PTPRT: variants seen among roughly 807,000 people sequenced by gnomAD.
PTPRT encodes the protein protein tyrosine phosphatase receptor type T.
Under a neutral mutation model 176.8 loss-of-function variants are expected in PTPRT, and 56 were observed. The ratio of observed to expected loss-of-function variants is 0.32; its 90% CI spans 0.26 to 0.40. The LOEUF (loss-of-function observed/expected upper bound fraction) is 0.40, where lower values mean the gene tolerates loss of function less well. Ranked by LOEUF, PTPRT falls within the 10% of genes least tolerant of loss-of-function variation. The pLI is 1.00. For synonymous variants in PTPRT, 783 were observed against 739.0 expected, an observed-to-expected ratio of 1.06 and a Z score of -0.96; for missense variants, 1,540 against 1,908.2, an observed-to-expected ratio of 0.81 and a Z score of 3.60.
At chr20:42,162,184 C>T (rs1256707764) in intron 16 of PTPRT, among the ~76,000 whole-genome samples, 3 of 152,162 alleles carry the variant, frequency 2.0e-5, no homozygotes, top group African/African-American at 7.2e-5. Flanking sequence ...TGTATAGTTT[C>T]CCCATCACTT....
At chr20:42,272,071 TG>T (rs1006696650) in intron 13 of PTPRT, among the ~76,000 whole-genome samples, 21 of 152,172 alleles carry the variant, frequency 1.4e-4, no homozygotes, top group African/African-American at 5.1e-4. Context: ...AGGCCAAATC[TG>T]GCCCCCCACT....
intron 14 of PTPRT, among the ~76,000 whole-genome samples, chr20:42,236,529 G>T (rs1014025908): frequency 1.3e-5 from 2 of 151,944 alleles, no homozygotes; most frequent in Non-Finnish European, 2.9e-5. Flanking sequence ...TTTCATGTTG[G>T]CTGTTGTAGT....
chr20:42,930,705 CG>C (rs1979788446), intron 1 of PTPRT, among the ~76,000 whole-genome samples: 1 of 151,988 alleles, frequency 6.6e-6, no homozygotes, highest in Admixed American at 6.6e-5. Flanking sequence ...GTCTTGAACT[CG>C]TAGCCTCATA....
At chr20:42,421,528 G>C (rs1264448791) in intron 9 of PTPRT, among the ~76,000 whole-genome samples, 1 of 152,102 alleles carries the variant, frequency 6.6e-6, no homozygotes, top group African/African-American at 2.4e-5. Context: ...GGTAGCACAT[G>C]AGGGTGATGG....
At chr20:42,455,314 T>G (rs2070902572) in intron 8 of PTPRT, among the ~76,000 whole-genome samples, 1 of 152,184 alleles carries the variant, frequency 6.6e-6, no homozygotes, top group Admixed American at 6.5e-5. Flanking sequence ...AATAGCACTG[T>G]TCTAGAACTC....
chr20:42,039,692 G>GTGTATATATATATA, the PTPRT span, among the ~76,000 whole-genome samples: 1 of 113,206 alleles, frequency 8.8e-6, no homozygotes, highest in Non-Finnish European at 2.0e-5. Context: ...ATTCTGTTGT[G>GTGTATATATATATA]TATATATATA....
At chr20:42,268,835 G>A (rs2056882200) in intron 13 of PTPRT, among the ~76,000 whole-genome samples, 1 of 152,168 alleles carries the variant, frequency 6.6e-6, no homozygotes, top group Non-Finnish European at 1.5e-5. Flanking sequence ...ATGCTGTTTA[G>A]GCTCAGCCCC....
At chr20:42,117,000 C>CT (rs1987317740) in intron 21 of PTPRT, among the ~76,000 whole-genome samples, 1 of 152,308 alleles carries the variant, frequency 6.6e-6, no homozygotes, top group African/African-American at 2.4e-5. Flanking sequence ...GGGGAACAGT[C>CT]TGAGTGGAGT....
At chr20:43,019,615 CT>C (rs1985554174) in intron 1 of PTPRT, among the ~76,000 whole-genome samples, 1 of 127,344 alleles carries the variant, frequency 7.9e-6, no homozygotes, top group Non-Finnish European at 1.6e-5. Context: ...GAGACACCGT[CT>C]CAAAAAAAAA....
Position 42,703,866 on chromosome 20 carries a change from T to C in PTPRT, c.860-25707A>G, listed in dbSNP as rs541521845. The stretch of plus-strand genomic sequence containing the variant: ...AGAAATAGAAAAGCAGCTCCTGTCA[T>C]CCGGGGTTTGGTCCTATCAGCTAAA... On this transcript the variant is annotated intron_variant, in intron 6 of 30. Coordinates refer to ENST00000373187, the MANE Select transcript of PTPRT (RefSeq NM_007050.6). Among the ~76,000 whole-genome samples the C allele has an allele frequency of 2.6e-5, 4 of 152,204 alleles. No individual in the cohort carries two copies. In the South Asian group the frequency reaches 8.3e-4, roughly 32 times the overall value.
rs11468862 is a variant in PTPRT at position 42,713,156 on chromosome 20, T to TACAC, written c.860-35001_860-34998dup. Among the ~76,000 whole-genome samples, 1,030 of 148,150 alleles carry TACAC rather than the reference T, an allele frequency of 7.0e-3. 17 individuals are homozygous for TACAC. The highest frequency in any genetic ancestry group is 0.039 in the East Asian group (196 of 5,044). On this transcript the variant is annotated intron_variant, in intron 6 of 30. Coordinates refer to ENST00000373187, the MANE Select transcript of PTPRT (RefSeq NM_007050.6). ...ACACATACACACGTACACGCACACA[T>TACAC]ACACACACACACACACACACACACA...
chr20:42,086,962 AC>A (rs1984032528), intron 27 of PTPRT, among the ~76,000 whole-genome samples: 1 of 151,122 alleles, frequency 6.6e-6, no homozygotes, highest in Non-Finnish European at 1.5e-5. Context: ...ATTAGAACCT[AC>A]AGCTGAGAGC....
Position 42,693,076 on chromosome 20 carries a change from A to C in PTPRT, c.860-14917T>G, listed in dbSNP as rs116688970. ...ATTCTGTTCTACTTCAATAACAAAC[A>C]AATTGAATAATTACTTACAAAAGCA... On this transcript the variant is annotated intron_variant, in intron 6 of 30. Coordinates refer to ENST00000373187, the MANE Select transcript of PTPRT (RefSeq NM_007050.6). Among the ~76,000 whole-genome samples, 755 of 152,350 alleles carry C rather than the reference A, an allele frequency of 5.0e-3. 8 individuals are homozygous for C. Among genetic ancestry groups the C allele is most frequent in the African/African-American group, 0.018 (735 of 41,594 alleles).
chr20:42,754,575 A>G (rs544983410), intron 6 of PTPRT, among the ~76,000 whole-genome samples: 1 of 152,292 alleles, frequency 6.6e-6, no homozygotes, highest in African/African-American at 2.4e-5. Flanking sequence ...GAGCCACCAT[A>G]CCGGGCCACA....
chr20:42,892,961 T>C lies in PTPRT; in HGVS notation c.89-7029A>G, dbSNP rs191267947. Among the ~76,000 whole-genome samples, 975 of 152,168 alleles carry C rather than the reference T, an allele frequency of 6.4e-3. 9 individuals are homozygous for C. Among genetic ancestry groups the C allele is most frequent in the Non-Finnish European group, 8.3e-3 (566 of 67,992 alleles). Reference sequence around the variant, plus strand: ...CAGAGAAAGCTCTCATCCACTGTCATTGGGCTTCTCCTGGGGGCCACGGTG... The same window carrying C: ...CAGAGAAAGCTCTCATCCACTGTCACTGGGCTTCTCCTGGGGGCCACGGTG... On this transcript the variant is annotated intron_variant, in intron 1 of 30. Coordinates refer to ENST00000373187, the MANE Select transcript of PTPRT (RefSeq NM_007050.6).
At position 42,510,205 on chromosome 20, in the gene PTPRT, C is replaced by T. The variant is rs375748469; in HGVS notation, c.1154-37643G>A. ...CATCATGTGCATAAGTTCAGGGCCC[C>T]GTTGTGTTTCCAATACCTAACCCCC... On this transcript the variant is annotated intron_variant, in intron 7 of 30. Coordinates refer to ENST00000373187, the MANE Select transcript of PTPRT (RefSeq NM_007050.6). Among the ~76,000 whole-genome samples the T allele has an allele frequency of 1.8e-4, 27 of 152,104 alleles. No homozygotes were observed. In the East Asian group the frequency reaches 2.9e-3, roughly 16 times the overall value.
At chr20:42,941,246 T>C (rs1263578416) in intron 1 of PTPRT, among the ~76,000 whole-genome samples, 2 of 152,094 alleles carry the variant, frequency 1.3e-5, no homozygotes, top group Non-Finnish European at 2.9e-5. Context: ...ACAGCTTACC[T>C]CTCAGAGCTG....
chr20:42,916,946 G>A (rs915873863), intron 1 of PTPRT, among the ~76,000 whole-genome samples: 3 of 152,136 alleles, frequency 2.0e-5, no homozygotes, highest in African/African-American at 7.2e-5. Flanking sequence ...CTTTTGCTGT[G>A]CAGAAGCTCT....
intron 7 of PTPRT, among the ~76,000 whole-genome samples, chr20:42,548,913 C>A (rs2072720923): frequency 6.6e-6 from 1 of 152,282 alleles, no homozygotes; most frequent in Non-Finnish European, 1.5e-5. Context: ...AATGTACAGT[C>A]ATTTACACTG....
Sources: gnomAD v4.1 joint callset for allele counts (sites outside exome capture counted in the v4.1 genomes callset) on GRCh38, gnomAD v4.1.1 for gene constraint, MANE v1.5 for transcripts, NCBI Gene and HGNC (gene_info 2026-07-23, HGNC 2026-07-21) for gene names.